The following HERC3 variants were observed in gnomAD, a reference collection of about 807,000 sequenced individuals.
HERC3 encodes probable E3 ubiquitin-protein ligase HERC3.
A neutral mutation model predicts 129.9 loss-of-function variants in HERC3; 58 were observed. The observed-to-expected ratio is 0.45, with a 90% CI of 0.36 to 0.56. The LOEUF (loss-of-function observed/expected upper bound fraction) is 0.56, where lower values mean the gene tolerates loss of function less well. Among genes scored for constraint, HERC3 ranks in the 20% least tolerant of loss-of-function variants. HERC3 has a pLI of 0.00. For synonymous variants in HERC3, 430 were observed against 451.0 expected, an observed-to-expected ratio of 0.95 and a Z score of 0.59; for missense variants, 835 against 1,244.2, an observed-to-expected ratio of 0.67 and a Z score of 4.95.
chr4:88,657,864 G>A (rs1730080145), intron 9 of HERC3, among the ~76,000 whole-genome samples: 2 of 146,374 alleles, frequency 1.4e-5, no homozygotes, highest in Admixed American at 1.4e-4. Flanking sequence ...CTCTCGGTGG[G>A]CACATTCATG....
At chr4:88,701,488 T>C (rs1027129264) in intron 23 of HERC3, among the ~76,000 whole-genome samples, 2 of 152,258 alleles carry the variant, frequency 1.3e-5, no homozygotes, top group Non-Finnish European at 2.9e-5. Flanking sequence ...GATGGATAAG[T>C]AGTAAATAAC....
chr4:88,617,439 G>A (rs1725031516), intron 3 of HERC3, among the ~76,000 whole-genome samples: 1 of 152,136 alleles, frequency 6.6e-6, no homozygotes, highest in South Asian at 2.1e-4. Context: ...TCACATTAAA[G>A]GAGTCTTTAA....
the HERC3 span, among the ~76,000 whole-genome samples, chr4:88,546,464 T>C: frequency 1.3e-5 from 2 of 152,130 alleles, no homozygotes; most frequent in Non-Finnish European, 1.5e-5. Flanking sequence ...TTTTATATAC[T>C]TTTTTAGTTC....
At chr4:88,635,139 T>G (rs1039500681) in intron 3 of HERC3, among the ~76,000 whole-genome samples, 3 of 151,950 alleles carry the variant, frequency 2.0e-5, no homozygotes, top group African/African-American at 7.3e-5. Context: ...CGCAGAACTG[T>G]ACAGAGAATG....
At chr4:88,701,328 C>T (rs923906918) in intron 23 of HERC3, among the ~76,000 whole-genome samples, 1 of 152,146 alleles carries the variant, frequency 6.6e-6, no homozygotes, top group Admixed American at 6.5e-5. Context: ...ATGGCAGAGC[C>T]TGGATTTGAA....
chr4:88,546,968 A>T, the HERC3 span, among the ~76,000 whole-genome samples: 6 of 152,188 alleles, frequency 3.9e-5, no homozygotes, highest in African/African-American at 9.6e-5. Flanking sequence ...GATTTTAAAA[A>T]ACTGTTTCTT....
chr4:88,662,839 T>C (rs1467043711), intron 11 of HERC3, among the ~76,000 whole-genome samples: 2 of 152,164 alleles, frequency 1.3e-5, no homozygotes, highest in African/African-American at 4.8e-5. Flanking sequence ...AGTTGGTGAT[T>C]CTGCTAAGAG....
Position 88,601,310 on chromosome 4 carries a change from T to A in HERC3, c.-29-4485T>A, listed in dbSNP as rs1041424410. 2.6e-5 allele frequency among the ~76,000 whole-genome samples: 4 copies of A among 152,238 alleles called. No homozygotes were observed. The East Asian group carries it at 5.8e-4, about 22-fold the overall frequency. On this transcript the variant is annotated intron_variant, in intron 2 of 25. Coordinates refer to ENST00000402738, the MANE Select transcript of HERC3 (RefSeq NM_014606.3). ...AGTTTTAAAATTGGTATATACCAAT[T>A]AAGGCCATTGAGTTAAATCCAAAGT...
chr4:88,639,677 G>A (rs1489998936), intron 3 of HERC3, among the ~76,000 whole-genome samples: 1 of 152,208 alleles, frequency 6.6e-6, no homozygotes, highest in African/African-American at 2.4e-5. Context: ...ATAGGCATGG[G>A]CAAGGACTTT....
intron 21 of HERC3, among the ~76,000 whole-genome samples, chr4:88,682,149 T>C (rs1732848249): frequency 1.3e-5 from 2 of 152,226 alleles, no homozygotes; most frequent in Admixed American, 1.3e-4. Context: ...TGAATAATAC[T>C]GCCATGAACA....
rs766457622 is a variant in HERC3, at chr4:88,669,924, A to C, written c.1698A>C (p.Ala566=). ...AGCTGGTAAACCTCTATAAAGGTGC[A>C]GTCCTTTATCTACTGAGGGGAAGAA... ...FMKLVNLYKG[A]VLYLLRGRKT... is the part of the protein sequence containing the mutation. The change falls in exon 15 of 26, where the codon GCA becomes GCC. Residue 566 remains alanine, a synonymous_variant. Transcript: ENST00000402738. 6.2e-7 allele frequency: 1 copy of C among 1,611,150 alleles called. No homozygotes were observed. Among genetic ancestry groups the C allele is most frequent in the Non-Finnish European group, 8.5e-7 (1 of 1,177,262 alleles).
chr4:88,547,331 T>G, the HERC3 span, among the ~76,000 whole-genome samples: 3 of 152,206 alleles, frequency 2.0e-5, no homozygotes, highest in Non-Finnish European at 4.4e-5. Context: ...ACTTATAAAT[T>G]TGTTTAAATA....
chr4:88,524,119 G>A, the HERC3 span, among the ~76,000 whole-genome samples: 2 of 152,196 alleles, frequency 1.3e-5, no homozygotes, highest in Non-Finnish European at 2.9e-5. Flanking sequence ...GTTATGTATT[G>A]TACCGAATGT....
At chr4:88,683,975 G>A (rs577081787) in intron 21 of HERC3, among the ~76,000 whole-genome samples, 2 of 151,988 alleles carry the variant, frequency 1.3e-5, no homozygotes, top group Non-Finnish European at 2.9e-5. Flanking sequence ...AAGAGACAAC[G>A]CAAACAAATG....
chr4:88,686,214 TG>T (rs1733437687), intron 21 of HERC3, among the ~76,000 whole-genome samples: 1 of 152,218 alleles, frequency 6.6e-6, no homozygotes, highest in Non-Finnish European at 1.5e-5. Flanking sequence ...CAATGTGGCC[TG>T]GGGAAGCCAA....
At chr4:88,586,774 G>T in the HERC3 span, among the ~76,000 whole-genome samples, 16 of 152,250 alleles carry the variant, frequency 1.1e-4, no homozygotes, top group African/African-American at 3.6e-4. Context: ...TCTCTTATAT[G>T]TATTTAACAC....
At chr4:88,615,985 T>G (rs1429023874) in intron 3 of HERC3, among the ~76,000 whole-genome samples, 4 of 152,188 alleles carry the variant, frequency 2.6e-5, no homozygotes, top group African/African-American at 9.7e-5. Context: ...TACATACAGT[T>G]TCTAGATGTA....
chr4:88,552,849 G>A, the HERC3 span, among the ~76,000 whole-genome samples: 27 of 151,892 alleles, frequency 1.8e-4, no homozygotes, highest in African/African-American at 6.3e-4. Flanking sequence ...AATGGGCCCT[G>A]TTGTTTCAGA....
At chr4:88,663,696 T>TAAAAA in intron 11 of HERC3, among the ~76,000 whole-genome samples, 1 of 152,260 alleles carries the variant, frequency 6.6e-6, no homozygotes, top group East Asian at 1.9e-4. Flanking sequence ...AATAAGCACT[T>TAAAAA]GTTTCACTAT....
Sources: allele counts gnomAD v4.1 joint callset (sites outside exome capture counted in the v4.1 genomes callset), GRCh38; gene constraint gnomAD v4.1.1; transcripts MANE v1.5; gene names NCBI Gene and HGNC (gene_info 2026-07-23, HGNC 2026-07-21).